Variants in TJP1 observed in about 807,000 individuals in gnomAD.
TJP1 encodes tight junction protein ZO-1.
Under a neutral mutation model 194.2 loss-of-function variants are expected in TJP1, and 43 were observed. That is an observed-to-expected ratio of 0.22 (90% CI 0.17 to 0.29). The LOEUF is 0.29. Among genes scored for constraint, TJP1 ranks in the 10% least tolerant of loss-of-function variants. The probability of loss-of-function intolerance (pLI) is 1.00; values close to 1 mark genes in which losing one functional copy is unlikely to be tolerated. For missense variants in TJP1, 1,971 were observed against 2,185.7 expected, an observed-to-expected ratio of 0.90 and a Z score of 1.96; for synonymous variants, 801 against 779.0, an observed-to-expected ratio of 1.03 and a Z score of -0.47.
chr15:29,810,023 G>A (rs930426621), intron 1 of TJP1, among the ~76,000 whole-genome samples: 2 of 152,102 alleles, frequency 1.3e-5, no homozygotes, highest in Non-Finnish European at 2.9e-5. Context: ...ACGTGTTTCC[G>A]ATTTCAGGGT....
chr15:29,723,677 A>G (rs2043071346), intron 18 of TJP1, among the ~76,000 whole-genome samples: 1 of 152,232 alleles, frequency 6.6e-6, no homozygotes, highest in African/African-American at 2.4e-5. Context: ...GAAATTATTT[A>G]TTATTTTTCA....
intron 2 of TJP1, among the ~76,000 whole-genome samples, chr15:29,904,441 G>T (rs970877185): frequency 6.6e-6 from 1 of 152,008 alleles, no homozygotes; most frequent in Non-Finnish European, 1.5e-5. Context: ...GGATTGCAGA[G>T]GAAGAGAAAG....
intron 2 of TJP1, among the ~76,000 whole-genome samples, chr15:29,870,410 C>A (rs2052471421): frequency 6.6e-6 from 1 of 152,234 alleles, no homozygotes; most frequent in South Asian, 2.1e-4. Flanking sequence ...GCAAAATTAT[C>A]TTATAATACA....
At chr15:29,870,265 G>C (rs1567151176) in intron 2 of TJP1, among the ~76,000 whole-genome samples, 1 of 152,022 alleles carries the variant, frequency 6.6e-6, no homozygotes, top group Non-Finnish European at 1.5e-5. Flanking sequence ...AGTACTAGTG[G>C]GCAGGTTAAA....
At chr15:29,949,858 AACCACC>A (rs2055584367) in intron 2 of TJP1, among the ~76,000 whole-genome samples, 2 of 7,524 alleles carry the variant, frequency 2.7e-4, no homozygotes, top group Non-Finnish European at 4.1e-4. Flanking sequence ...CCACCTCCAC[AACCACC>A]ACCTCCACCT....
At chr15:29,914,679 A>G (rs952879477) in intron 2 of TJP1, among the ~76,000 whole-genome samples, 1 of 151,898 alleles carries the variant, frequency 6.6e-6, no homozygotes, top group Admixed American at 6.6e-5. Flanking sequence ...GAGAAGACAG[A>G]CCTCCGGGGA....
chr15:29,766,562 A>C lies in TJP1; in HGVS notation c.313-20T>G, dbSNP rs980732267. On this transcript the variant is annotated intron_variant, in intron 4 of 27. Transcript: ENST00000614355. ...AATTGTCTGCAAGTTAAAAAGGTTAAAAAATAAGTTGACTGATTTTCATAT... is the reference window on the plus strand; with the variant it reads ...AATTGTCTGCAAGTTAAAAAGGTTACAAAATAAGTTGACTGATTTTCATAT... 2.2e-5 allele frequency: 33 copies of C among 1,523,396 alleles called. No homozygotes were observed. Among genetic ancestry groups the C allele is most frequent in the Non-Finnish European group, 2.8e-5 (32 of 1,138,402 alleles). The allele number at this position is 1,523,396 out of a possible 1,614,324, so 94.4% of individuals were successfully genotyped here. A position where few individuals can be genotyped will look rare whatever the true frequency, so the allele number is the denominator to read the frequency against.
chr15:29,891,554 T>C (rs1280020181), intron 2 of TJP1, among the ~76,000 whole-genome samples: 2 of 152,242 alleles, frequency 1.3e-5, no homozygotes, highest in Non-Finnish European at 1.5e-5. Flanking sequence ...GTTCAGCATG[T>C]CTACTGGCAC....
chr15:29,908,970 C>T (rs190618973), intron 2 of TJP1, among the ~76,000 whole-genome samples: 8 of 152,002 alleles, frequency 5.3e-5, no homozygotes, highest in South Asian at 2.1e-4. Context: ...CCGGCTAACA[C>T]GGTGAAACCC....
Position 29,720,714 on chromosome 15 carries a change from T to G in TJP1, c.2413-6A>C. Reference sequence around the variant, plus strand: ...TCACTTGTAGCACCATCCGCCTGGGTCAAATAAAAGTAAATTACAAATTTT... The same window carrying G: ...TCACTTGTAGCACCATCCGCCTGGGGCAAATAAAAGTAAATTACAAATTTT... On this transcript the variant is annotated splice_polypyrimidine_tract_variant and splice_region_variant and intron_variant, in intron 18 of 27. Coordinates refer to ENST00000614355, the MANE Select transcript of TJP1 (RefSeq NM_001330239.4). 1.3e-6 allele frequency: 2 copies of G among 1,570,614 alleles called. No individual in the cohort carries two copies. Among genetic ancestry groups the G allele is most frequent in the African/African-American group, 1.4e-5 (1 of 73,264 alleles).
chr15:29,928,361 A>G (rs1029092938), intron 2 of TJP1, among the ~76,000 whole-genome samples: 2 of 152,182 alleles, frequency 1.3e-5, no homozygotes, highest in African/African-American at 4.8e-5. Context: ...ATGGTTAAAA[A>G]TTTTTTTAAG....
At chr15:29,767,291 C>T (rs116481292) in intron 4 of TJP1, among the ~76,000 whole-genome samples, 1 of 152,302 alleles carries the variant, frequency 6.6e-6, no homozygotes, top group African/African-American at 2.4e-5. Flanking sequence ...TACACTTTGC[C>T]TTCTCACAAT....
In TJP1 at chr15:29,898,107, T is replaced by G. The variant is rs532427269; in HGVS notation, c.306+58125A>C. The stretch of plus-strand genomic sequence containing the variant: ...TTTGGCTGTGTTCCCACCCAAATCT[T>G]ATCTCGAATTCTAACTCCCACAGTT... On this transcript the variant is annotated intron_variant, in intron 2 of 28. Transcript: ENST00000356107. 2.0e-5 allele frequency among the ~76,000 whole-genome samples: 3 copies of G among 152,286 alleles called. No homozygotes were observed. The East Asian group carries it at 5.8e-4, about 29-fold the overall frequency.
intron 2 of TJP1, among the ~76,000 whole-genome samples, chr15:29,901,070 G>A (rs1329870395): frequency 6.6e-6 from 1 of 151,892 alleles, no homozygotes; most frequent in Admixed American, 6.6e-5. Context: ...GTGATAAAGA[G>A]GACAGTAGTG....
chr15:29,883,116 C>T, intron 2 of TJP1, among the ~76,000 whole-genome samples: 1 of 152,244 alleles, frequency 6.6e-6, no homozygotes, highest in South Asian at 2.1e-4. Context: ...CCAGGCTAAA[C>T]TGTGGAGACC....
intron 2 of TJP1, among the ~76,000 whole-genome samples, chr15:29,895,464 A>C (rs1261266943): frequency 2.0e-5 from 3 of 152,174 alleles, no homozygotes; most frequent in African/African-American, 7.2e-5. Context: ...CTTTATAACA[A>C]TGATCATGTT....
chr15:29,718,299 G>A lies in TJP1; in HGVS notation c.3843C>T (p.Thr1281=). ...TGCCAGTGTCATTTACATCCTTCTT[G>A]GTCTCTAAGGATGCAGATCTTTTGT... ...FENKRSASLE[T]KKDVNDTGSF... The change falls in exon 21 of 28, where the codon ACC becomes ACT. Residue 1281 remains threonine (T), a synonymous_variant. Transcript: ENST00000614355. The A allele has an allele frequency of 1.2e-6, 2 of 1,613,872 alleles. No homozygotes were observed. The highest frequency in any genetic ancestry group is 1.7e-6 in the Non-Finnish European group (2 of 1,179,986).
chr15:29,726,751 C>T (rs757606203), intron 17 of TJP1, 30 bp downstream of exon 17: 2 of 1,600,494 alleles, frequency 1.2e-6, no homozygotes, highest in Non-Finnish European at 8.6e-7. Context: ...ACATTGTAAG[C>T]TGAAAGAAGG....
At chr15:29,942,503 G>C (rs998543112) in intron 2 of TJP1, among the ~76,000 whole-genome samples, 13 of 152,130 alleles carry the variant, frequency 8.5e-5, no homozygotes, top group Non-Finnish European at 1.5e-4. Context: ...TCCATTAAGG[G>C]CAAAAATCTC....
Sources: gnomAD v4.1 joint callset for allele counts (sites outside exome capture counted in the v4.1 genomes callset) on GRCh38, gnomAD v4.1.1 for gene constraint, MANE v1.5 for transcripts, NCBI Gene and HGNC (gene_info 2026-07-23, HGNC 2026-07-21) for gene names.